The following HPSE2 variants were observed in gnomAD, a reference collection of about 807,000 sequenced individuals.
HPSE2 encodes the protein inactive heparanase-2.
Under a neutral mutation model 60.5 loss-of-function variants are expected in HPSE2, and 38 were observed. That is an observed-to-expected ratio of 0.63 (90% CI 0.48 to 0.82). The LOEUF is 0.82. Among genes scored for constraint, HPSE2 ranks in the 40% least tolerant of loss-of-function variants. The probability of loss-of-function intolerance (pLI) is 0.00; values close to 1 mark genes in which losing one functional copy is unlikely to be tolerated. For synonymous variants in HPSE2, 295 were observed against 293.2 expected, an observed-to-expected ratio of 1.01 and a Z score of -0.06; for missense variants, 713 against 740.4, an observed-to-expected ratio of 0.96 and a Z score of 0.43.
chr10:99,009,315 G>T (rs1352977938), intron 3 of HPSE2, among the ~76,000 whole-genome samples: 4 of 151,414 alleles, frequency 2.6e-5, no homozygotes, highest in Non-Finnish European at 5.9e-5. Context: ...AGCTACTCAG[G>T]AGGCTGAGGT....
chr10:99,028,726 T>G (rs1260160628), intron 3 of HPSE2, among the ~76,000 whole-genome samples: 1 of 152,162 alleles, frequency 6.6e-6, no homozygotes, highest in African/African-American at 2.4e-5. Context: ...ATTACCTGAC[T>G]GCAAATTATA....
intron 9 of HPSE2, among the ~76,000 whole-genome samples, chr10:98,540,918 A>T (rs952972519): frequency 6.6e-6 from 1 of 152,208 alleles, no homozygotes; most frequent in Non-Finnish European, 1.5e-5. Context: ...ACTATAATAT[A>T]AACTGTATCA....
intron 3 of HPSE2, among the ~76,000 whole-genome samples, chr10:98,908,888 C>A (rs745780365): frequency 7.9e-5 from 12 of 152,098 alleles, no homozygotes; most frequent in Non-Finnish European, 1.5e-4. Flanking sequence ...CCTCCTGTCA[C>A]AGAAAGACAC....
chr10:99,073,668 A>G (rs1209008943), intron 3 of HPSE2, among the ~76,000 whole-genome samples: 2 of 152,204 alleles, frequency 1.3e-5, no homozygotes, highest in African/African-American at 4.8e-5. Context: ...AATAATATTC[A>G]GTCTTCCAAT....
At chr10:99,138,351 G>A (rs1845738482) in intron 3 of HPSE2, among the ~76,000 whole-genome samples, 1 of 152,142 alleles carries the variant, frequency 6.6e-6, no homozygotes, top group South Asian at 2.1e-4. Context: ...CAAGGATCTA[G>A]AACCAGAAAC....
chr10:99,252,200 C>T, the HPSE2 span, among the ~76,000 whole-genome samples: 1 of 152,158 alleles, frequency 6.6e-6, no homozygotes, highest in Non-Finnish European at 1.5e-5. Context: ...GATAAACCCA[C>T]AGCCAACATC....
chr10:98,820,880 G>A (rs993696018), intron 3 of HPSE2, among the ~76,000 whole-genome samples: 9 of 152,138 alleles, frequency 5.9e-5, no homozygotes, highest in South Asian at 2.1e-4. Flanking sequence ...TGTAGAAACC[G>A]TAGAGAACTC....
chr10:98,823,273 C>T (rs1378269128), intron 3 of HPSE2, among the ~76,000 whole-genome samples: 4 of 152,260 alleles, frequency 2.6e-5, no homozygotes, highest in Non-Finnish European at 5.9e-5. Context: ...AAGCCACTAA[C>T]TTGTGATTTG....
At chr10:98,999,194 T>TGC (rs1554861478) in intron 3 of HPSE2, among the ~76,000 whole-genome samples, 4 of 150,208 alleles carry the variant, frequency 2.7e-5, no homozygotes, top group East Asian at 2.0e-4. Flanking sequence ...TGTGTGTGTG[T>TGC]GCATGTGTGT....
In HPSE2 at chr10:98,534,938, T is replaced by G. The variant is rs1032946680; in HGVS notation, c.1321-44742A>C. On this transcript the variant is annotated intron_variant, in intron 9 of 11. Coordinates refer to ENST00000370552, the MANE Select transcript of HPSE2 (RefSeq NM_021828.5). ...GCTTCCTTCATTTGGGTATATAAGC[T>G]CTAAGATGTTTGATAAAAAGTTAGC... is the stretch of plus-strand genomic sequence containing the variant. Among the ~76,000 whole-genome samples, 8 of 149,790 alleles carry G rather than the reference T, an allele frequency of 5.3e-5. No individual in the cohort carries two copies. In the Admixed American group the frequency reaches 5.5e-4, roughly 10 times the overall value.
chr10:99,143,878 T>C (rs1845954762), intron 3 of HPSE2, among the ~76,000 whole-genome samples: 1 of 152,160 alleles, frequency 6.6e-6, no homozygotes. Flanking sequence ...TTACATTTCA[T>C]CTTTATATTC....
intron 2 of HPSE2, among the ~76,000 whole-genome samples, chr10:99,214,697 G>A (rs1217931533): frequency 2.0e-5 from 3 of 151,918 alleles, no homozygotes; most frequent in African/African-American, 7.3e-5. Context: ...CTGTCCATCT[G>A]GCAAAGGTCT....
At position 98,757,856 on chromosome 10, in the gene HPSE2, G is replaced by A. The variant is rs185289997; in HGVS notation, c.611-13800C>T. Among the ~76,000 whole-genome samples the A allele has an allele frequency of 8.5e-4, 130 of 152,050 alleles. 2 individuals are homozygous for A. In the East Asian group the frequency reaches 0.023, roughly 27 times the overall value. ...AAAAAAATATTTTAAAATTCATATG[G>A]AACAAGAAAGAACCCAAATAGCCAA... On this transcript the variant is annotated intron_variant, in intron 3 of 11. Coordinates refer to ENST00000370552, the MANE Select transcript of HPSE2 (RefSeq NM_021828.5).
intron 3 of HPSE2, among the ~76,000 whole-genome samples, chr10:98,837,842 C>G (rs375643147): frequency 1.3e-5 from 2 of 151,408 alleles, no homozygotes; most frequent in East Asian, 1.9e-4. Context: ...CCACTGCACT[C>G]CAGCCTGGGC....
upstream of HPSE2, among the ~76,000 whole-genome samples, chr10:99,239,751 T>C (rs921441302): frequency 6.6e-5 from 10 of 151,920 alleles, no homozygotes; most frequent in African/African-American, 2.2e-4. Flanking sequence ...CTTTTTATAT[T>C]ATCTAGTAAG....
intron 6 of HPSE2, among the ~76,000 whole-genome samples, chr10:98,679,708 G>A (rs1947736197): frequency 6.6e-6 from 1 of 152,114 alleles, no homozygotes. Flanking sequence ...CGTTTTCTGA[G>A]AAATAGGGTC....
At chr10:99,217,876 G>A (rs1374142784) in intron 2 of HPSE2, among the ~76,000 whole-genome samples, 1 of 152,040 alleles carries the variant, frequency 6.6e-6, no homozygotes, top group Non-Finnish European at 1.5e-5. Context: ...GTGAGCCACT[G>A]TGCCTGCCCC....
rs68033581 is a variant in HPSE2, at chr10:99,180,889, CAAAAAAAAAAAAAAAA to C, written c.449-36506_449-36491del. ...TGGGCAACAAGGCAAGACTCCATCT[CAAAAAAAAAAAAAAAA>C]AAAAAAAAAAAAACACAGATGCTGG... On this transcript the variant is annotated intron_variant, in intron 2 of 11. Coordinates refer to ENST00000370552, the MANE Select transcript of HPSE2 (RefSeq NM_021828.5). Among the ~76,000 whole-genome samples the C allele has an allele frequency of 7.1e-4, 21 of 29,694 alleles. No individual in the cohort carries two copies. In the South Asian group the frequency reaches 7.7e-3, roughly 11 times the overall value. The allele number at this position is 29,694 out of a possible 152,430, so 19.5% of individuals were successfully genotyped here. A position where few individuals can be genotyped will look rare whatever the true frequency, so the allele number is the denominator to read the frequency against.
At chr10:99,305,137 A>T in the HPSE2 span, among the ~76,000 whole-genome samples, 1 of 152,202 alleles carries the variant, frequency 6.6e-6, no homozygotes, top group Non-Finnish European at 1.5e-5. Context: ...AAAATAGAGA[A>T]ACTGGTGGAG....
Sources: gnomAD v4.1 joint callset for allele counts (sites outside exome capture counted in the v4.1 genomes callset) on GRCh38, gnomAD v4.1.1 for gene constraint, MANE v1.5 for transcripts, NCBI Gene and HGNC (gene_info 2026-07-23, HGNC 2026-07-21) for gene names.